The following COXFA4L3 variants were observed in gnomAD, a reference collection of about 807,000 sequenced individuals.
The protein encoded by COXFA4L3 is cytochrome c oxidase associated subunit FA4L3.
the COXFA4L3 span, among the ~76,000 whole-genome samples, chr15:45,432,304 C>T: frequency 6.6e-6 from 1 of 152,182 alleles, no homozygotes; most frequent in Admixed American, 6.6e-5. Flanking sequence ...GGAGCATTGT[C>T]CATCCACTCA....
At chr15:45,432,803 T>C in the COXFA4L3 span, 2 of 643,114 alleles carry the variant, frequency 3.1e-6, no homozygotes, top group South Asian at 2.0e-5. Flanking sequence ...ATTTTGTGCA[T>C]GTTTTAGATA....
the COXFA4L3 span, chr15:45,431,067 C>G: frequency 6.2e-7 from 1 of 1,613,982 alleles, no homozygotes; most frequent in Non-Finnish European, 8.5e-7. Flanking sequence ...TGTGTATTCT[C>G]TTTGGAAAAC....
the COXFA4L3 span, chr15:45,431,002 T>G: frequency 6.2e-7 from 1 of 1,613,790 alleles, no homozygotes; most frequent in Non-Finnish European, 8.5e-7. Flanking sequence ...ATTTGTTAGC[T>G]CATTCCCTTG....
chr15:45,432,046 G>A, the COXFA4L3 span: 2 of 1,605,190 alleles, frequency 1.2e-6, no homozygotes, highest in East Asian at 4.5e-5. Context: ...ATCTTTTAAT[G>A]TTTAATTGGC....
chr15:45,433,009 C>A, the COXFA4L3 span: 1 of 1,613,140 alleles, frequency 6.2e-7, no homozygotes, highest in South Asian at 1.1e-5. Context: ...CAAAGGGTGA[C>A]CAAATGACGA....
the COXFA4L3 span, chr15:45,433,087 T>C: frequency 2.1e-6 from 3 of 1,426,188 alleles, no homozygotes; most frequent in Non-Finnish European, 3.0e-6. Context: ...CAAACTAGAT[T>C]CTGGACACCA....
chr15:45,431,360 A>C, the COXFA4L3 span: 1 of 309,502 alleles, frequency 3.2e-6, no homozygotes, highest in East Asian at 5.8e-5. Context: ...TCTTTTACCC[A>C]TTGGCCCTTC....
At chr15:45,432,919 GT>G in the COXFA4L3 span, 17,269 of 1,123,844 alleles carry the variant, frequency 0.015, 10 homozygotes, top group African/African-American at 0.021. Context: ...TTAACAAAAG[GT>G]TTTTTTTTTT....
chr15:45,431,135 C>T, the COXFA4L3 span: 1 of 1,500,200 alleles, frequency 6.7e-7, no homozygotes, highest in Non-Finnish European at 9.2e-7. Flanking sequence ...GTTTGGATGA[C>T]TTTTAGTTTA....
At chr15:45,430,690 G>T in the COXFA4L3 span, 31 of 1,053,880 alleles carry the variant, frequency 2.9e-5, no homozygotes, top group Non-Finnish European at 3.9e-5. Flanking sequence ...CGGACGCGCC[G>T]GCCCGCAGTT....
At chr15:45,432,168 G>T in the COXFA4L3 span, 1 of 1,585,100 alleles carries the variant, frequency 6.3e-7, no homozygotes, top group Admixed American at 1.7e-5. Context: ...TTTATATTTT[G>T]CCCAAACCTT....
the COXFA4L3 span, chr15:45,431,390 G>T: frequency 3.8e-5 from 9 of 238,740 alleles, no homozygotes; most frequent in Non-Finnish European, 3.1e-5. Flanking sequence ...TGGCAGTGAA[G>T]TAAAGCTTGT....
chr15:45,432,092 C>G, the COXFA4L3 span: 1 of 1,613,450 alleles, frequency 6.2e-7, no homozygotes, highest in Non-Finnish European at 8.5e-7. Flanking sequence ...AAAAAAAATC[C>G]AGAACCTTGG....
At chr15:45,430,712 C>T in the COXFA4L3 span, 2 of 1,342,406 alleles carry the variant, frequency 1.5e-6, no homozygotes, top group Non-Finnish European at 2.1e-6. Flanking sequence ...GCCTGCGGAG[C>T]GCGGTGGACG....
the COXFA4L3 span, chr15:45,431,004 A>G: frequency 1.2e-6 from 2 of 1,612,912 alleles, no homozygotes; most frequent in Non-Finnish European, 1.7e-6. Context: ...TTGTTAGCTC[A>G]TTCCCTTGGT....
chr15:45,431,163 C>T, the COXFA4L3 span: 1 of 1,270,552 alleles, frequency 7.9e-7, no homozygotes, highest in Non-Finnish European at 1.1e-6. Context: ...TATAAGTTTC[C>T]TATTTTTTTC....
chr15:45,431,112 C>G, the COXFA4L3 span: 1 of 1,590,748 alleles, frequency 6.3e-7, no homozygotes, highest in Non-Finnish European at 8.6e-7. Context: ...TTTATAAAAA[C>G]GTTTTTGGCA....
the COXFA4L3 span, among the ~76,000 whole-genome samples, chr15:45,432,474 G>C: frequency 6.6e-6 from 1 of 152,210 alleles, no homozygotes; most frequent in East Asian, 1.9e-4. Flanking sequence ...AGACCAGCTT[G>C]GCCAACATGG....
chr15:45,432,231 A>G, the COXFA4L3 span: 3 of 940,970 alleles, frequency 3.2e-6, no homozygotes, highest in Non-Finnish European at 4.8e-6. Context: ...TGTGTAACTT[A>G]GATCAATTGT....
Sources: allele counts gnomAD v4.1 joint callset (sites outside exome capture counted in the v4.1 genomes callset), GRCh38; gene constraint gnomAD v4.1.1; transcripts MANE v1.5; gene names NCBI Gene and HGNC (gene_info 2026-07-23, HGNC 2026-07-21).